Variants in XIAP observed in about 807,000 individuals in gnomAD.
The protein encoded by XIAP is X-linked inhibitor of apoptosis.
Under a neutral mutation model 33.1 loss-of-function variants are expected in XIAP, and 3 were observed. The observed-to-expected ratio is 0.09, with a 90% CI of 0.04 to 0.23. The LOEUF (loss-of-function observed/expected upper bound fraction) is 0.23, where lower values mean the gene tolerates loss of function less well. Among genes scored for constraint, XIAP ranks in the 10% least tolerant of loss-of-function variants. The pLI is 1.00. For missense variants in XIAP, 264 were observed against 363.0 expected, an observed-to-expected ratio of 0.73 and a Z score of 2.22; for synonymous variants, 98 against 121.3, an observed-to-expected ratio of 0.81 and a Z score of 1.26.
chrX:123,884,825 C>T (rs186125101), intron 1 of XIAP, among the ~76,000 whole-genome samples: 4 of 111,128 alleles, frequency 3.6e-5, no homozygotes, highest in African/African-American at 1.3e-4. Flanking sequence ...AAATTACCAG[C>T]TGTAATTTGG....
At chrX:123,889,997 A>ATTTTTTTT (rs771503633) in intron 3 of XIAP, among the ~76,000 whole-genome samples, 5 of 33,072 alleles carry the variant, frequency 1.5e-4, no homozygotes, top group East Asian at 1.0e-3. Context: ...AGTTGTTCAC[A>ATTTTTTTT]TTTTTTTTTT....
Position 123,908,765 on chromosome X carries a change from C to G in XIAP, c.*1584C>G, listed in dbSNP as rs766901198. 16 of 344,240 alleles carry G rather than the reference C, an allele frequency of 4.6e-5. No homozygotes were observed. Among genetic ancestry groups the G allele is most frequent in the Middle Eastern group, 1.8e-3 (2 of 1,092 alleles). 28.4% of individuals were successfully genotyped at this position (344,240 alleles called of 1,213,427 possible). ...TTGTTTAAATATTTTTTAAAAAACA[C>G]TTGAATAAGAATCAGTAGGGTATAA... On this transcript the variant is annotated 3_prime_UTR_variant, in exon 7 of 7. Coordinates refer to ENST00000371199, the MANE Select transcript of XIAP (RefSeq NM_001167.4).
At chrX:123,892,933 G>A (rs183925399) in intron 5 of XIAP, among the ~76,000 whole-genome samples, 160 bp downstream of exon 5, 1 of 110,581 alleles carries the variant, frequency 9.0e-6, no homozygotes, top group African/African-American at 3.3e-5. Flanking sequence ...CGATTCTCCT[G>A]CCTCAACCTC....
chrX:123,869,739 T>C (rs2053176693), intron 1 of XIAP, among the ~76,000 whole-genome samples: 1 of 111,938 alleles, frequency 8.9e-6, no homozygotes, highest in African/African-American at 3.2e-5. Context: ...TGACCTTTGA[T>C]GAGTAACAGT....
chrX:123,891,036 A>C (rs1211100611), intron 3 of XIAP, among the ~76,000 whole-genome samples: 2 of 111,685 alleles, frequency 1.8e-5, no homozygotes, highest in East Asian at 5.5e-4. Flanking sequence ...TAATATTAGC[A>C]TAGGTAGCAT....
upstream of XIAP, chrX:123,860,017 G>A: frequency 3.1e-6 from 1 of 319,398 alleles, no homozygotes. Context: ...CGCAGCCCGG[G>A]CTGGGAGACT....
rs766078831 is a variant in XIAP, at chrX:123,907,727, A to AT, written c.*553dup. Reference sequence around the variant, plus strand: ...TTATAAACACGTACTTGTGCGAATTATTTTTTTAAAGTGATTTGCCATTTT... The same window carrying AT: ...TTATAAACACGTACTTGTGCGAATTATTTTTTTTAAAGTGATTTGCCATTTT... On this transcript the variant is annotated 3_prime_UTR_variant, in exon 7 of 7. Transcript: ENST00000371199. 1,014 of 376,912 alleles carry AT rather than the reference A, an allele frequency of 2.7e-3. 7 individuals are homozygous for AT. The highest frequency in any genetic ancestry group is 0.023 in the African/African-American group (915 of 40,033). 31.1% of individuals were successfully genotyped at this position (376,912 alleles called of 1,213,427 possible).
chrX:123,891,387 T>A (rs1020440899), intron 4 of XIAP, 71 bp downstream of exon 4: 15 of 505,155 alleles, frequency 3.0e-5, no homozygotes, highest in Middle Eastern at 1.3e-3. Flanking sequence ...TTATGTAGTT[T>A]ATATTATATC....
intron 1 of XIAP, among the ~76,000 whole-genome samples, chrX:123,879,514 A>C (rs2053278464): frequency 9.4e-6 from 1 of 105,990 alleles, no homozygotes; most frequent in South Asian, 4.4e-4. Flanking sequence ...ACGGGGTTTC[A>C]CCGTGTTAGC....
In XIAP at chrX:123,908,659, A is replaced by G. The variant is rs758086780; in HGVS notation, c.*1478A>G. On this transcript the variant is annotated 3_prime_UTR_variant, in exon 7 of 7. Coordinates refer to ENST00000371199, the MANE Select transcript of XIAP (RefSeq NM_001167.4). ...TTTTCTTGGCTAGTAATAGTAGTAGATACTTCTGAAATAAATGTTCTCTCA... is the reference window on the plus strand; with the variant it reads ...TTTTCTTGGCTAGTAATAGTAGTAGGTACTTCTGAAATAAATGTTCTCTCA... The G allele has an allele frequency of 3.6e-5, 13 of 356,639 alleles. No homozygotes were observed. Among genetic ancestry groups the G allele is most frequent in the South Asian group, 2.9e-4 (11 of 37,435 alleles). The allele number at this position is 356,639 out of a possible 1,213,427, so 29.4% of individuals were successfully genotyped here.
chrX:123,876,771 T>C (rs990484073), intron 1 of XIAP, among the ~76,000 whole-genome samples: 4 of 111,656 alleles, frequency 3.6e-5, no homozygotes, highest in Non-Finnish European at 1.9e-5. Flanking sequence ...CAGTGGTAAA[T>C]ACCACATATT....
intron 1 of XIAP, among the ~76,000 whole-genome samples, chrX:123,867,671 CTTTTTTTTT>C (rs747177182): frequency 6.0e-5 from 4 of 66,898 alleles, no homozygotes; most frequent in Admixed American, 3.9e-4. Context: ...CGTACCTGGC[CTTTTTTTTT>C]TTTTTTTTTT....
At chrX:123,867,037 T>TCC (rs1556398576) in intron 1 of XIAP, among the ~76,000 whole-genome samples, 6 of 37,967 alleles carry the variant, frequency 1.6e-4, no homozygotes, top group African/African-American at 6.9e-4. Context: ...GTTGTTTTAA[T>TCC]CCCCCCCCCC....
Position 123,886,426 on chromosome X carries a change from A to G in XIAP, c.764A>G (p.Asn255Ser). ...SSDRNFPNST[N>S]LPRNPSMADY... is the part of the protein sequence containing the mutation. The stretch of plus-strand genomic sequence containing the variant: ...GATAGGAATTTCCCAAATTCAACAA[A>G]TCTTCCAAGAAATCCATCCATGGCA... The change falls in exon 2 of 7, where the codon AAT becomes AGT. Residue 255 changes from asparagine (N) to serine (S), a missense_variant. Coordinates refer to ENST00000371199, the MANE Select transcript of XIAP (RefSeq NM_001167.4). 3 of 1,211,422 alleles carry G rather than the reference A, an allele frequency of 2.5e-6. No homozygotes were observed. Among genetic ancestry groups the G allele is most frequent in the Non-Finnish European group, 3.3e-6 (3 of 895,607 alleles).
At position 123,899,151 on chromosome X, in the gene XIAP, ATATATATATATATATGATTT is replaced by A. The variant is rs1206638632; in HGVS notation, c.1100-1330_1100-1311del. 3.2e-4 allele frequency among the ~76,000 whole-genome samples: 13 copies of A among 40,888 alleles called. 1 individual carries two copies. The highest frequency in any genetic ancestry group is 1.1e-3 in the African/African-American group (11 of 9,887). 35.5% of individuals were successfully genotyped at this position (40,888 alleles called of 115,157 possible). A position where few individuals can be genotyped will look rare whatever the true frequency, so the allele number is the denominator to read the frequency against. ...AAAAAAAAAAAAAAAAAAAATATAT[ATATATATATATATATGATTT>A]TATATATATATGATTTTATATATAT... On this transcript the variant is annotated intron_variant, in intron 5 of 6. Transcript: ENST00000371199.
At chrX:123,905,193 G>A (rs900930368) in intron 6 of XIAP, among the ~76,000 whole-genome samples, 2 of 111,185 alleles carry the variant, frequency 1.8e-5, no homozygotes, top group Non-Finnish European at 3.8e-5. Context: ...TGCCTCCCAG[G>A]ACCCTTGGGA....
intron 1 of XIAP, among the ~76,000 whole-genome samples, chrX:123,879,816 A>G: frequency 9.0e-6 from 1 of 111,392 alleles, no homozygotes; most frequent in Non-Finnish European, 1.9e-5. Context: ...CCTTTATTCT[A>G]CGTATTTGAA....
chrX:123,888,776 T>A, intron 3 of XIAP, 58 bp downstream of exon 3: 1 of 1,029,260 alleles, frequency 9.7e-7, no homozygotes, highest in Non-Finnish European at 1.4e-6. Context: ...GTGGGAGACT[T>A]GAATTACTTT....
intron 1 of XIAP, among the ~76,000 whole-genome samples, chrX:123,879,466 G>A (rs1191179065): frequency 1.0e-4 from 11 of 107,468 alleles, no homozygotes; most frequent in East Asian, 3.0e-4. Context: ...ACAGGCGCCC[G>A]CCACCATCCC....
Sources: gnomAD v4.1 joint callset for allele counts (sites outside exome capture counted in the v4.1 genomes callset) on GRCh38, gnomAD v4.1.1 for gene constraint, MANE v1.5 for transcripts, NCBI Gene and HGNC (gene_info 2026-07-23, HGNC 2026-07-21) for gene names.